The following FAM169A variants were observed in gnomAD, a reference collection of about 807,000 sequenced individuals.
FAM169A encodes the protein family with sequence similarity 169 member A.
Under a neutral mutation model 75.7 loss-of-function variants are expected in FAM169A, and 24 were observed. That is an observed-to-expected ratio of 0.32 (90% confidence interval 0.23 to 0.45). FAM169A has a LOEUF of 0.45. FAM169A is among the 20% of genes least tolerant of loss of function. FAM169A has a pLI of 1.00. For synonymous variants in FAM169A, 271 were observed against 271.0 expected (o/e 1.00, Z 0.00); for missense variants, 673 against 784.0 (o/e 0.86, Z 1.69).
intron 1 of FAM169A, among the ~76,000 whole-genome samples, chr5:74,849,113 T>G (rs919638130): frequency 2.0e-5 from 3 of 152,208 alleles, no homozygotes; most frequent in Non-Finnish European, 2.9e-5. Flanking sequence ...GCGAATGGTA[T>G]GCTCATTAAT....
At chr5:74,853,276 A>C (rs1177246335) in intron 1 of FAM169A, among the ~76,000 whole-genome samples, 20 of 152,212 alleles carry the variant, frequency 1.3e-4, no homozygotes, top group Non-Finnish European at 2.9e-5. Context: ...GTATTTTCTG[A>C]TGATAATAAC....
At chr5:74,854,602 C>A (rs1404930894) in intron 1 of FAM169A, among the ~76,000 whole-genome samples, 1 of 152,148 alleles carries the variant, frequency 6.6e-6, no homozygotes, top group Non-Finnish European at 1.5e-5. Context: ...CTTCCTCCCA[C>A]CACCCACTAC....
intron 1 of FAM169A, among the ~76,000 whole-genome samples, chr5:74,859,320 T>C (rs1749914413): frequency 7.0e-6 from 1 of 142,804 alleles, no homozygotes; most frequent in African/African-American, 2.6e-5. Flanking sequence ...GACAGAGTCT[T>C]GCTCTGTCAC....
rs143562510 is a variant in FAM169A at position 74,789,321 on chromosome 5, A to G, written c.1261-6187T>C. Reference sequence around the variant, plus strand: ...CAATTCAGGGACCTTCTACCTCAGTAAAGTTTCTAGGGGTCCAGTGGTGTG... The same window carrying G: ...CAATTCAGGGACCTTCTACCTCAGTGAAGTTTCTAGGGGTCCAGTGGTGTG... On this transcript the variant is annotated intron_variant, in intron 11 of 12. Transcript: ENST00000687041. Among the ~76,000 whole-genome samples the G allele has an allele frequency of 5.1e-3, 781 of 152,334 alleles. 5 individuals carry two copies. Among genetic ancestry groups the G allele is most frequent in the African/African-American group, 0.018 (736 of 41,580 alleles).
intron 11 of FAM169A, among the ~76,000 whole-genome samples, chr5:74,792,358 A>G (rs1746019802): frequency 6.6e-6 from 1 of 152,172 alleles, no homozygotes; most frequent in Admixed American, 6.5e-5. Context: ...GGCACCATCT[A>G]ATCAGCTGCC....
intron 6 of FAM169A, among the ~76,000 whole-genome samples, chr5:74,807,604 G>A (rs1318797577): frequency 6.6e-6 from 1 of 152,182 alleles, no homozygotes; most frequent in Non-Finnish European, 1.5e-5. Context: ...TTCATTACAG[G>A]ACTACTTTTA....
At chr5:74,814,602 G>A (rs1380656897) in intron 5 of FAM169A, among the ~76,000 whole-genome samples, 1 of 152,102 alleles carries the variant, frequency 6.6e-6, no homozygotes, top group African/African-American at 2.4e-5. Flanking sequence ...ATCTGTCTTA[G>A]ACATGGATAA....
chr5:74,806,228 A>G (rs1746876110), intron 6 of FAM169A, among the ~76,000 whole-genome samples: 1 of 152,170 alleles, frequency 6.6e-6, no homozygotes, highest in Non-Finnish European at 1.5e-5. Flanking sequence ...ATAAGTCACA[A>G]AGAAACTCCA....
intron 10 of FAM169A, chr5:74,800,049 T>C: frequency 1.4e-6 from 1 of 730,792 alleles, no homozygotes; most frequent in Non-Finnish European, 2.5e-6. Flanking sequence ...TGGAGAGCCA[T>C]GACAATTTGG....
At chr5:74,794,511 G>T (rs60663580) in intron 11 of FAM169A, among the ~76,000 whole-genome samples, 34,839 of 151,420 alleles carry the variant, frequency 0.23, 4,061 homozygotes, top group Middle Eastern at 0.3. Flanking sequence ...CAGATCAGGA[G>T]TTCAAGACCA....
chr5:74,830,150 C>G (rs1748237612), intron 5 of FAM169A, among the ~76,000 whole-genome samples: 1 of 151,992 alleles, frequency 6.6e-6, no homozygotes. Flanking sequence ...TTCCATTTAC[C>G]TAGATAAGAA....
intron 2 of FAM169A, among the ~76,000 whole-genome samples, chr5:74,840,644 A>G (rs1346560744): frequency 2.0e-5 from 3 of 152,050 alleles, no homozygotes; most frequent in East Asian, 1.9e-4. Flanking sequence ...CCTGGCTAAC[A>G]CAGTGAAACC....
chr5:74,800,079 A>G, intron 10 of FAM169A: 1 of 670,182 alleles, frequency 1.5e-6, no homozygotes, highest in South Asian at 1.5e-5. Flanking sequence ...GATAATTTGA[A>G]GCTGAGTGAG....
rs1473400445 is a variant in FAM169A at position 74,780,475 on chromosome 5, T to A, written c.*985A>T. The A allele has an allele frequency of 1.3e-5, 2 of 151,994 alleles. No individual in the cohort carries two copies. The highest frequency in any genetic ancestry group is 6.6e-5 in the Admixed American group (1 of 15,262). The allele number at this position is 151,994 out of a possible 1,614,324, so 9.4% of individuals were successfully genotyped here. A position where few individuals can be genotyped will look rare whatever the true frequency, so the allele number is the denominator to read the frequency against. On this transcript the variant is annotated 3_prime_UTR_variant, in exon 13 of 13. Coordinates refer to ENST00000687041, the MANE Select transcript of FAM169A (RefSeq NM_001376049.1). ...AGCTGTGGGGGAATATAAATAAGAC[T>A]GTAGAATTAGGGAGGTGGCAAGATT...
chr5:74,848,772 G>C (rs1244096416), intron 1 of FAM169A: 1 of 152,112 alleles, frequency 6.6e-6, no homozygotes, highest in Non-Finnish European at 1.5e-5. Flanking sequence ...TATGTAAATT[G>C]CAAGCCTAAC....
intron 10 of FAM169A, chr5:74,799,745 TG>T: frequency 2.6e-6 from 3 of 1,140,938 alleles, no homozygotes; most frequent in Non-Finnish European, 4.0e-6. Context: ...TGCTCCTGAG[TG>T]TGTCATCTGT....
intron 4 of FAM169A, among the ~76,000 whole-genome samples, chr5:74,838,333 T>C (rs957402561): frequency 1.3e-5 from 2 of 152,182 alleles, no homozygotes; most frequent in Non-Finnish European, 2.9e-5. Flanking sequence ...AAAGATTTCA[T>C]CTTTTTTTAT....
At chr5:74,839,198 A>G (rs962160459) in intron 3 of FAM169A, 148 bp from the exon 4 acceptor site, 1 of 614,350 alleles carries the variant, frequency 1.6e-6, no homozygotes, top group Non-Finnish European at 2.8e-6. Flanking sequence ...TGTACTTTGT[A>G]GCCTCATTTA....
intron 1 of FAM169A, 172 bp downstream of exon 1, chr5:74,865,993 C>A (rs532549698): frequency 5.8e-6 from 1 of 172,798 alleles, no homozygotes; most frequent in African/African-American, 2.4e-5. Context: ...GCCCCGGGTC[C>A]AGGCGGCCCG....
Sources: allele counts gnomAD v4.1 joint callset (sites outside exome capture counted in the v4.1 genomes callset), GRCh38; gene constraint gnomAD v4.1.1; transcripts MANE v1.5; gene names NCBI Gene and HGNC (gene_info 2026-07-23, HGNC 2026-07-21).